Variants in IGSF5 observed in about 807,000 individuals in gnomAD.
The protein encoded by IGSF5 is immunoglobulin superfamily member 5, also known as immunoglobulin superfamily 5 like.
A neutral mutation model predicts 39.4 loss-of-function variants in IGSF5; 41 were observed. That is an observed-to-expected ratio of 1.04 (90% CI 0.81 to 1.35). The LOEUF (loss-of-function observed/expected upper bound fraction) is 1.35. IGSF5 is among the 40% of genes most tolerant of loss of function. The pLI is 0.00. For synonymous variants in IGSF5, 183 were observed against 175.3 expected (o/e 1.04, Z -0.34); for missense variants, 487 against 494.6 (o/e 0.98, Z 0.15).
chr21:39,723,266 G>A, the IGSF5 span, among the ~76,000 whole-genome samples: 1 of 152,160 alleles, frequency 6.6e-6, no homozygotes, highest in African/African-American at 2.4e-5. Flanking sequence ...TTGGACTGAG[G>A]GCTGAAGTTT....
intron 8 of IGSF5, among the ~76,000 whole-genome samples, chr21:39,800,100 T>TA (rs1314076162): frequency 2.0e-5 from 3 of 152,214 alleles, no homozygotes; most frequent in African/African-American, 7.2e-5. Context: ...TAGAAATTCC[T>TA]ACTAAAATAA....
In IGSF5 at chr21:39,751,001, G is replaced by A. The variant is rs149163736; in HGVS notation, c.100+4703G>A. ...AGTGGAGAGGATAGACTGGCCCTGA[G>A]GCCTCTGCGTTCCCAGCCCGGGGCC... On this transcript the variant is annotated intron_variant, in intron 2 of 8. Coordinates refer to ENST00000380588, the MANE Select transcript of IGSF5 (RefSeq NM_001080444.2). Among the ~76,000 whole-genome samples, 250 of 152,342 alleles carry A rather than the reference G, an allele frequency of 1.6e-3. 1 individual carries two copies. Among genetic ancestry groups the A allele is most frequent in the Middle Eastern group, 6.8e-3 (2 of 294 alleles).
intron 2 of IGSF5, among the ~76,000 whole-genome samples, chr21:39,764,627 A>G (rs1305571633): frequency 6.6e-6 from 1 of 152,178 alleles, no homozygotes; most frequent in Non-Finnish European, 1.5e-5. Flanking sequence ...GGTGTGAACC[A>G]CTGCACCTGG....
chr21:39,757,237 C>A (rs1276068803), intron 2 of IGSF5, among the ~76,000 whole-genome samples: 1 of 150,044 alleles, frequency 6.7e-6, no homozygotes, highest in Admixed American at 6.7e-5. Context: ...CTATTGCCAC[C>A]TTCTAATAGG....
At chr21:39,743,140 G>A (rs767649723), upstream of IGSF5, among the ~76,000 whole-genome samples, 11 of 152,048 alleles carry the variant, frequency 7.2e-5, no homozygotes, top group African/African-American at 9.7e-5. Context: ...AAATGTCTGC[G>A]GCACCAATCT....
chr21:39,780,057 A>G (rs1022526368), intron 5 of IGSF5, among the ~76,000 whole-genome samples: 5 of 152,360 alleles, frequency 3.3e-5, no homozygotes, highest in Admixed American at 6.5e-5. Flanking sequence ...AGATATTCTC[A>G]CCACAAAATA....
At chr21:39,728,903 G>A in the IGSF5 span, among the ~76,000 whole-genome samples, 1 of 152,034 alleles carries the variant, frequency 6.6e-6, no homozygotes, top group Admixed American at 6.6e-5. Flanking sequence ...TTTTATAGAA[G>A]GGAAACTGAG....
At chr21:39,731,877 G>A in the IGSF5 span, among the ~76,000 whole-genome samples, 101 of 152,320 alleles carry the variant, frequency 6.6e-4, no homozygotes, top group African/African-American at 2.3e-3. Context: ...ATTTGTAATA[G>A]TTTGTTATTT....
In IGSF5 at chr21:39,746,220, A is replaced by C; in HGVS notation, c.22A>C (p.Thr8Pro). MGQKERS[T>P]ADTLPDLEEW... is the part of the protein sequence containing the mutation. ...ATGGGCGCCTCACTGGATCAGGAGC[A>C]CAGCAGATACTCTGCCGGATCTGGA... is the stretch of plus-strand genomic sequence containing the variant. Residue 8 changes from threonine to proline, a missense_variant, in exon 2 of 9, where the codon ACA becomes CCA. Transcript: ENST00000380588. 1 of 701,900 alleles carries C rather than the reference A, an allele frequency of 1.4e-6. No individual in the cohort carries two copies. The highest frequency in any genetic ancestry group is 2.6e-6 in the Non-Finnish European group (1 of 384,792). The allele number at this position is 701,900 out of a possible 1,614,324, so 43.5% of individuals were successfully genotyped here.
the IGSF5 span, among the ~76,000 whole-genome samples, chr21:39,716,708 A>G: frequency 2.6e-5 from 4 of 152,168 alleles, no homozygotes; most frequent in South Asian, 2.1e-4. Flanking sequence ...ATAATATTCT[A>G]TGGTGTATAT....
At chr21:39,738,668 G>T in the IGSF5 span, among the ~76,000 whole-genome samples, 1 of 152,044 alleles carries the variant, frequency 6.6e-6, no homozygotes, top group African/African-American at 2.4e-5. The surrounding 1 kb of genome is among the most constrained non-coding windows in gnomAD (Gnocchi z 6.4). Flanking sequence ...AAGGAAAAGG[G>T]GTTTGGGCTT....
intron 1 of IGSF5, 132 bp from the exon 2 acceptor site, chr21:39,746,084 A>C: frequency 1.5e-6 from 1 of 670,376 alleles, no homozygotes; most frequent in Admixed American, 2.1e-5. Context: ...GCTGTGGGTC[A>C]TGGGAGAGAA....
chr21:39,718,378 A>G, the IGSF5 span, among the ~76,000 whole-genome samples: 9 of 152,270 alleles, frequency 5.9e-5, no homozygotes, highest in African/African-American at 2.2e-4. Context: ...AGGACTTCCA[A>G]TACTATGCTG....
At chr21:39,755,949 C>CACAA (rs1555941275) in intron 2 of IGSF5, among the ~76,000 whole-genome samples, 30 of 150,000 alleles carry the variant, frequency 2.0e-4, no homozygotes, top group Admixed American at 1.8e-3. Context: ...ACTAAAAATA[C>CACAA]AAAAAAAATT....
chr21:39,752,154 T>C (rs1385466315), intron 2 of IGSF5, among the ~76,000 whole-genome samples: 1 of 152,120 alleles, frequency 6.6e-6, no homozygotes, highest in East Asian at 1.9e-4. Context: ...TATGTAGTCT[T>C]TTATCCCTCA....
At chr21:39,788,800 G>A (rs1238442533) in intron 6 of IGSF5, among the ~76,000 whole-genome samples, 1 of 152,214 alleles carries the variant, frequency 6.6e-6, no homozygotes, top group Admixed American at 6.5e-5. Flanking sequence ...TGTTAACATA[G>A]CCATATGTGC....
chr21:39,775,369 C>T lies in IGSF5; in HGVS notation c.719-3721C>T, dbSNP rs886950202. On this transcript the variant is annotated intron_variant, in intron 4 of 8. Transcript: ENST00000380588. ...GTGATTGTCATTCACACTATTGATT[C>T]GGAGATCTCTTGTGTCGCCTCTAGT... is the stretch of plus-strand genomic sequence containing the variant. Among the ~76,000 whole-genome samples the T allele has an allele frequency of 3.9e-5, 6 of 152,136 alleles. No homozygotes were observed. The East Asian group carries it at 5.8e-4, about 15-fold the overall frequency.
the IGSF5 span, among the ~76,000 whole-genome samples, chr21:39,723,781 T>A: frequency 6.6e-6 from 1 of 152,206 alleles, no homozygotes; most frequent in African/African-American, 2.4e-5. Context: ...TAAAAAAATA[T>A]GAAATCAGAA....
At chr21:39,771,539 C>G (rs2080114970) in intron 4 of IGSF5, among the ~76,000 whole-genome samples, 1 of 152,148 alleles carries the variant, frequency 6.6e-6, no homozygotes, top group South Asian at 2.1e-4. Context: ...TTACCTACCA[C>G]TGTTTCAGTT....
Sources: gnomAD v4.1 joint callset for allele counts (sites outside exome capture counted in the v4.1 genomes callset) on GRCh38, gnomAD v4.1.1 for gene constraint, Gnocchi (gnomAD v3.1) non-coding constraint, MANE v1.5 for transcripts, NCBI Gene and HGNC (gene_info 2026-07-23, HGNC 2026-07-21) for gene names.